Variants in UTRN observed in about 807,000 individuals in gnomAD.
UTRN encodes dystrophin-related protein 1.
A neutral mutation model predicts 463.9 loss-of-function variants in UTRN; 283 were observed. The observed-to-expected ratio is 0.61, with a 90% CI of 0.55 to 0.67. UTRN has a LOEUF of 0.67. Among genes scored for constraint, UTRN ranks in the 30% least tolerant of loss-of-function variants. The probability of loss-of-function intolerance (pLI) is 0.00; values close to 1 mark genes in which losing one functional copy is unlikely to be tolerated. For synonymous variants in UTRN, 1,442 were observed against 1,431.5 expected (o/e 1.01, Z -0.17); for missense variants, 3,922 against 4,084.3 (o/e 0.96, Z 1.08).
chr6:144,483,124 A>G (rs1249285999), intron 27 of UTRN, among the ~76,000 whole-genome samples: 1 of 152,240 alleles, frequency 6.6e-6, no homozygotes, highest in Non-Finnish European at 1.5e-5. Flanking sequence ...AAAAATGGCA[A>G]CTGCAATATT....
chr6:144,379,742 C>A (rs560481160), intron 2 of UTRN, among the ~76,000 whole-genome samples: 1 of 152,316 alleles, frequency 6.6e-6, no homozygotes, highest in South Asian at 2.1e-4. Context: ...ATTTTAAAAC[C>A]ACCACACATG....
In UTRN at chr6:144,445,567, C is replaced by T. The variant is rs1053953709; in HGVS notation, c.1614+1185C>T. Among the ~76,000 whole-genome samples the T allele has an allele frequency of 4.7e-5, 7 of 149,408 alleles. 1 individual carries two copies. The highest frequency in any genetic ancestry group is 1.0e-4 in the African/African-American group (4 of 39,424). On this transcript the variant is annotated intron_variant, in intron 14 of 74. Transcript: ENST00000367545. Reference sequence around the variant, plus strand: ...AATTGTTAATGACTACTTCCCCCCCCGCCCTCAATCTGTGGTCAGATTTTT... The same window carrying T: ...AATTGTTAATGACTACTTCCCCCCCTGCCCTCAATCTGTGGTCAGATTTTT...
chr6:144,474,189 GTA>G (rs1790955116), intron 24 of UTRN, among the ~76,000 whole-genome samples: 1 of 149,418 alleles, frequency 6.7e-6, no homozygotes, highest in African/African-American at 2.5e-5. Flanking sequence ...ATTCATTTAA[GTA>G]TGTTTTTCTT....
chr6:144,355,957 G>T (rs148955996), intron 2 of UTRN, among the ~76,000 whole-genome samples: 158 of 152,236 alleles, frequency 1.0e-3, no homozygotes, highest in African/African-American at 3.7e-3. Flanking sequence ...TTGATTTTAA[G>T]AATTAAAACT....
chr6:144,487,522 A>T (rs748607074), intron 28 of UTRN, 26 bp from the exon 29 acceptor site: 4 of 1,549,234 alleles, frequency 2.6e-6, no homozygotes, highest in Admixed American at 3.7e-5. Context: ...ATGCATTATT[A>T]TTTTTTTTTC....
At chr6:144,564,087 G>A (rs1321900546) in intron 50 of UTRN, among the ~76,000 whole-genome samples, 1 of 152,114 alleles carries the variant, frequency 6.6e-6, no homozygotes, top group African/African-American at 2.4e-5. Context: ...TCTGTGACCA[G>A]CCCTAAAGAT....
At chr6:144,631,772 G>A (rs1316987203) in intron 51 of UTRN, among the ~76,000 whole-genome samples, 1 of 152,094 alleles carries the variant, frequency 6.6e-6, no homozygotes, top group African/African-American at 2.4e-5. Context: ...ATTAAAAAAA[G>A]TTTTATAAGT....
intron 10 of UTRN, among the ~76,000 whole-genome samples, chr6:144,437,129 T>C (rs1786642797): frequency 6.6e-6 from 1 of 151,806 alleles, no homozygotes; most frequent in Non-Finnish European, 1.5e-5. Context: ...ATTTTTTGTG[T>C]TTTTAGTTAG....
At chr6:144,730,311 T>C in intron 53 of UTRN, 46 bp from the exon 54 acceptor site, 1 of 1,489,104 alleles carries the variant, frequency 6.7e-7, no homozygotes, top group Non-Finnish European at 9.0e-7. Flanking sequence ...CATAATTTGG[T>C]GAACACGTGA....
chr6:144,837,289 G>A (rs1478880750), intron 71 of UTRN: 1 of 152,174 alleles, frequency 6.6e-6, no homozygotes, highest in East Asian at 1.9e-4. Context: ...TATAAAAGAA[G>A]CATCAATACA....
intron 17 of UTRN, among the ~76,000 whole-genome samples, chr6:144,450,982 G>A (rs1282750619): frequency 6.6e-6 from 1 of 151,980 alleles, no homozygotes; most frequent in Non-Finnish European, 1.5e-5. Flanking sequence ...GTGTGGTGGT[G>A]GGCACCTATA....
chr6:144,841,400 A>G (rs1266707080), intron 73 of UTRN, among the ~76,000 whole-genome samples: 1 of 152,198 alleles, frequency 6.6e-6, no homozygotes, highest in Admixed American at 6.5e-5. Flanking sequence ...GATCCTGTGA[A>G]GTTTCCATCT....
At chr6:144,358,674 T>C (rs1778782804) in intron 2 of UTRN, among the ~76,000 whole-genome samples, 1 of 152,210 alleles carries the variant, frequency 6.6e-6, no homozygotes, top group Non-Finnish European at 1.5e-5. Context: ...TCTCACTATG[T>C]TACCCAGGAA....
chr6:144,733,442 G>A (rs999079936), intron 54 of UTRN, among the ~76,000 whole-genome samples: 2 of 151,036 alleles, frequency 1.3e-5, no homozygotes, highest in African/African-American at 4.9e-5. Context: ...GCTTGAACCC[G>A]GGAGGCAGAG....
At chr6:144,409,836 A>G (rs1483060344) in intron 3 of UTRN, among the ~76,000 whole-genome samples, 1 of 152,226 alleles carries the variant, frequency 6.6e-6, no homozygotes, top group Non-Finnish European at 1.5e-5. Context: ...ACCTCTGGTT[A>G]CCAACATAGA....
intron 63 of UTRN, 91 bp downstream of exon 63, chr6:144,794,082 C>T (rs1173839322): frequency 2.0e-6 from 3 of 1,505,356 alleles, no homozygotes; most frequent in East Asian, 4.7e-5. Context: ...CGGGCTGGAG[C>T]CAAATACTGG....
At chr6:144,463,962 A>G (rs1160201455) in intron 23 of UTRN, among the ~76,000 whole-genome samples, 1 of 151,586 alleles carries the variant, frequency 6.6e-6, no homozygotes, top group Non-Finnish European at 1.5e-5. Flanking sequence ...ATATATATTT[A>G]GATGTAGATC....
intron 50 of UTRN, among the ~76,000 whole-genome samples, chr6:144,566,624 C>A (rs1448559636): frequency 1.3e-5 from 2 of 152,126 alleles, no homozygotes; most frequent in African/African-American, 4.8e-5. Flanking sequence ...TTTCAAACTT[C>A]ACTTCCTCAT....
Position 144,851,042 on chromosome 6 carries a change from CCTTTTCA to C in UTRN, c.*46_*52del, listed in dbSNP as rs773805308. ...AATGTTTCCTGACGTACAGTGTTGC[CCTTTTCA>C]GCAAATGCCAATTCCAAGTTCCATT... is the stretch of plus-strand genomic sequence containing the variant. On this transcript the variant is annotated 3_prime_UTR_variant, in exon 75 of 75. Transcript: ENST00000367545. 2.5e-5 allele frequency: 40 copies of C among 1,613,092 alleles called. No individual in the cohort carries two copies. The highest frequency in any genetic ancestry group is 3.3e-5 in the Non-Finnish European group (39 of 1,179,334).
Sources: allele counts gnomAD v4.1 joint callset (sites outside exome capture counted in the v4.1 genomes callset), GRCh38; gene constraint gnomAD v4.1.1; transcripts MANE v1.5; gene names NCBI Gene and HGNC (gene_info 2026-07-23, HGNC 2026-07-21).